Variants in RSPH1 observed in about 807,000 individuals in gnomAD.
RSPH1 encodes the protein radial spoke head component 1, also known as radial spoke head 1 homolog.
Under a neutral mutation model 44.2 loss-of-function variants are expected in RSPH1, and 32 were observed. The observed-to-expected ratio is 0.72, with a 90% confidence interval of 0.55 to 0.97. The LOEUF (loss-of-function observed/expected upper bound fraction) is 0.97, where lower values mean the gene tolerates loss of function less well. Ranked by LOEUF, RSPH1 falls within the 50% of genes least tolerant of loss-of-function variation. The pLI, the probability that RSPH1 is intolerant of heterozygous loss-of-function variation, is 0.00. For synonymous variants in RSPH1, 134 were observed against 147.3 expected, an observed-to-expected ratio of 0.91 and a Z score of 0.65; for missense variants, 391 against 398.7, an observed-to-expected ratio of 0.98 and a Z score of 0.16.
chr21:42,485,922 G>T, intron 4 of RSPH1, 118 bp from the exon 5 acceptor site: 1 of 1,269,898 alleles, frequency 7.9e-7, no homozygotes, highest in Non-Finnish European at 1.1e-6. Context: ...CACAAGCGAT[G>T]TAGCTTCTAT....
chr21:42,478,963 G>A (rs2054098645), intron 6 of RSPH1, among the ~76,000 whole-genome samples: 1 of 152,182 alleles, frequency 6.6e-6, no homozygotes, highest in African/African-American at 2.4e-5. Context: ...ATCAGGGGCT[G>A]GGGGAGGTCG....
intron 6 of RSPH1, among the ~76,000 whole-genome samples, chr21:42,480,640 C>CAAAA (rs780506820): frequency 1.0e-4 from 4 of 38,730 alleles, no homozygotes; most frequent in East Asian, 2.2e-3. Context: ...AACTCCATCT[C>CAAAA]AAAAAAAAAA....
In RSPH1 at chr21:42,472,840, C is replaced by G; in HGVS notation, c.908G>C (p.Arg303Thr). 6.2e-7 allele frequency: 1 copy of G among 1,609,648 alleles called. No homozygotes were observed. The highest frequency in any genetic ancestry group is 1.7e-4 in the Middle Eastern group (1 of 6,056). The change falls in exon 9 of 9, where the codon AGA (arginine) becomes ACA (threonine). Residue 303 changes from arginine to threonine, a missense_variant. Physicochemically the swap from Arg to Thr is moderately conservative, Grantham distance 71. Transcript: ENST00000291536. ...ATCTTAGTCCTGGAGGTCTGACTGT[C>G]TAGTTTCTTCTTCTTCAGAATTAAT... is the stretch of plus-strand genomic sequence containing the variant. ...GNINSEEEET[R>T]QSDLQD
chr21:42,486,808 T>C (rs974010411), intron 3 of RSPH1, among the ~76,000 whole-genome samples: 1 of 152,172 alleles, frequency 6.6e-6, no homozygotes, highest in African/African-American at 2.4e-5. Flanking sequence ...CACCTGCATG[T>C]ACTGACAAGC....
At chr21:42,491,677 C>T (rs1013925324) in intron 3 of RSPH1, among the ~76,000 whole-genome samples, 1 of 152,194 alleles carries the variant, frequency 6.6e-6, no homozygotes, top group African/African-American at 2.4e-5. Flanking sequence ...GGTATTAAAA[C>T]CCTCCATCTT....
intron 1 of RSPH1, 151 bp downstream of exon 1, chr21:42,495,982 G>T: frequency 2.7e-6 from 2 of 749,612 alleles, no homozygotes; most frequent in Non-Finnish European, 4.6e-6. Flanking sequence ...GCACGCAGGT[G>T]TGTCTGGCGT....
chr21:42,481,186 C>A (rs1601628869), intron 6 of RSPH1, among the ~76,000 whole-genome samples: 1 of 152,036 alleles, frequency 6.6e-6, no homozygotes, highest in Non-Finnish European at 1.5e-5. Flanking sequence ...TTAGTTCACA[C>A]AAGAACTGGT....
Position 42,475,897 on chromosome 21 carries a change from C to T in RSPH1, c.877+1G>A. 6.2e-7 allele frequency: 1 copy of T among 1,610,314 alleles called. No individual in the cohort carries two copies. The highest frequency in any genetic ancestry group is 8.5e-7 in the Non-Finnish European group (1 of 1,179,256). ...CCCACTTCCCTGCGCAGGGACCTCA[C>T]CCTCATCCATGTCATAGCGGAACTC... On this transcript the variant is annotated splice_donor_variant, in intron 8 of 8. Transcript: ENST00000291536. LOFTEE classifies it high-confidence loss of function.
At chr21:42,476,208 GC>G in intron 7 of RSPH1, among the ~76,000 whole-genome samples, 161 bp from the exon 8 acceptor site, 1 of 152,102 alleles carries the variant, frequency 6.6e-6, no homozygotes, top group East Asian at 1.9e-4. Context: ...CCCAGCCTAG[GC>G]CTGGCCAGGG....
intron 3 of RSPH1, among the ~76,000 whole-genome samples, chr21:42,490,262 T>C (rs2054223791): frequency 6.6e-6 from 1 of 152,200 alleles, no homozygotes; most frequent in African/African-American, 2.4e-5. Context: ...TAATTGGACT[T>C]GTGTGACCAT....
chr21:42,472,832 C>G lies in RSPH1; in HGVS notation c.916G>C (p.Asp306His), dbSNP rs1052502852. 5.2e-5 allele frequency: 84 copies of G among 1,610,416 alleles called. 2 individuals carry two copies. The Admixed American group carries it at 1.4e-3, about 27-fold the overall frequency. Reference protein sequence around the residue: ...NSEEEETRQSDLQD With the variant: ...NSEEEETRQSHLQD ...CTCACTTCATCTTAGTCCTGGAGGT[C>G]TGACTGTCTAGTTTCTTCTTCTTCA... The change falls in exon 9 of 9, where the codon GAC becomes CAC. Residue 306 changes from aspartate (D) to histidine (H), a missense_variant. Asp to His is a moderately conservative substitution (Grantham distance 81). Coordinates refer to ENST00000291536, the MANE Select transcript of RSPH1 (RefSeq NM_080860.4).
chr21:42,478,344 T>C (rs1442096221), intron 6 of RSPH1, among the ~76,000 whole-genome samples: 3 of 152,248 alleles, frequency 2.0e-5, no homozygotes, highest in Admixed American at 2.0e-4. Context: ...TGTTTGAATA[T>C]GGCCACCCAT....
intron 7 of RSPH1, among the ~76,000 whole-genome samples, chr21:42,477,053 C>A (rs1409376559): frequency 4.7e-5 from 6 of 127,360 alleles, no homozygotes; most frequent in Non-Finnish European, 8.3e-5. Context: ...GTGCCCCACA[C>A]CCTCTGCCCC....
intron 3 of RSPH1, among the ~76,000 whole-genome samples, chr21:42,491,714 C>T (rs766048542): frequency 6.6e-6 from 1 of 152,208 alleles, no homozygotes; most frequent in Admixed American, 6.5e-5. Context: ...AGAATCATCA[C>T]TGACATCTAT....
intron 6 of RSPH1, among the ~76,000 whole-genome samples, chr21:42,480,432 A>G (rs958104926): frequency 6.6e-6 from 1 of 152,136 alleles, no homozygotes; most frequent in African/African-American, 2.4e-5. Context: ...TCTGAGGTCG[A>G]AAGTTTGAGA....
intron 4 of RSPH1, 21 bp from the exon 5 acceptor site, chr21:42,485,825 A>G (rs898830172): frequency 1.2e-6 from 2 of 1,614,026 alleles, no homozygotes; most frequent in Non-Finnish European, 1.7e-6. Flanking sequence ...CAAGGGGAAC[A>G]TGGTATTTCG....
chr21:42,478,152 A>G (rs572501766), intron 6 of RSPH1, among the ~76,000 whole-genome samples: 88 of 152,380 alleles, frequency 5.8e-4, no homozygotes, highest in African/African-American at 2.0e-3. Context: ...TTTGCCAAGC[A>G]TATTTGCCTA....
chr21:42,479,167 C>T (rs939357955), intron 6 of RSPH1, among the ~76,000 whole-genome samples: 7 of 152,180 alleles, frequency 4.6e-5, no homozygotes, highest in African/African-American at 1.7e-4. Context: ...AGGGAGTGAG[C>T]CGTGGGCTGC....
At chr21:42,488,909 A>C (rs1350744671) in intron 3 of RSPH1, among the ~76,000 whole-genome samples, 1 of 152,074 alleles carries the variant, frequency 6.6e-6, no homozygotes, top group Non-Finnish European at 1.5e-5. Context: ...TTCTACCCCA[A>C]TCCTATACTT....
Sources: gnomAD v4.1 joint callset for allele counts (sites outside exome capture counted in the v4.1 genomes callset) on GRCh38, gnomAD v4.1.1 for gene constraint, MANE v1.5 for transcripts, NCBI Gene and HGNC (gene_info 2026-07-23, HGNC 2026-07-21) for gene names.